The following ZFPM2 variants were observed in gnomAD, a reference collection of about 807,000 sequenced individuals.
ZFPM2 encodes zinc finger protein ZFPM2.
A neutral mutation model predicts 98.6 loss-of-function variants in ZFPM2; 20 were observed. The ratio of observed to expected loss-of-function variants is 0.20; its 90% CI spans 0.14 to 0.29. The LOEUF is 0.29. Among genes scored for constraint, ZFPM2 ranks in the 10% least tolerant of loss-of-function variants. ZFPM2 has a pLI of 1.00. For synonymous variants in ZFPM2, 518 were observed against 502.7 expected, an observed-to-expected ratio of 1.03 and a Z score of -0.41; for missense variants, 1,310 against 1,388.6, an observed-to-expected ratio of 0.94 and a Z score of 0.90.
At chr8:105,768,529 G>C (rs937159880) in intron 5 of ZFPM2, among the ~76,000 whole-genome samples, 3 of 151,938 alleles carry the variant, frequency 2.0e-5, no homozygotes, top group Non-Finnish European at 4.4e-5. Context: ...CTTTCTTGAA[G>C]TTTACAGTTA....
intron 3 of ZFPM2, among the ~76,000 whole-genome samples, chr8:105,533,286 T>C (rs1260192355): frequency 6.6e-6 from 1 of 151,958 alleles, no homozygotes; most frequent in African/African-American, 2.4e-5. Flanking sequence ...GAAGAGAAAA[T>C]GTTTATAGAT....
At chr8:105,543,442 A>G (rs1278609747) in intron 3 of ZFPM2, among the ~76,000 whole-genome samples, 4 of 152,170 alleles carry the variant, frequency 2.6e-5, no homozygotes, top group Admixed American at 2.6e-4. Context: ...GCCCATCATA[A>G]CATAGAATCA....
intron 3 of ZFPM2, among the ~76,000 whole-genome samples, chr8:105,480,599 C>CT (rs1813095501): frequency 6.6e-6 from 1 of 152,058 alleles, no homozygotes; most frequent in Non-Finnish European, 1.5e-5. Context: ...CAAGGGTGGA[C>CT]TACTGAACTA....
intron 5 of ZFPM2, among the ~76,000 whole-genome samples, chr8:105,768,185 T>C (rs1042901737): frequency 1.6e-4 from 25 of 151,832 alleles, no homozygotes; most frequent in Admixed American, 1.2e-3. Context: ...TGTGCATTTG[T>C]CCTTCATTAC....
chr8:105,744,255 A>G (rs1812291777), intron 5 of ZFPM2, among the ~76,000 whole-genome samples: 1 of 152,094 alleles, frequency 6.6e-6, no homozygotes, highest in South Asian at 2.1e-4. Flanking sequence ...CTTAAACAGT[A>G]AAACCATGGT....
intron 4 of ZFPM2, among the ~76,000 whole-genome samples, chr8:105,591,661 GTCATAT>G (rs1396990564): frequency 6.6e-6 from 1 of 152,076 alleles, no homozygotes; most frequent in African/African-American, 2.4e-5. Flanking sequence ...CAAAAATATA[GTCATAT>G]TCATATTGCT....
At chr8:105,371,137 C>G (rs1449812005) in intron 1 of ZFPM2, among the ~76,000 whole-genome samples, 1 of 152,122 alleles carries the variant, frequency 6.6e-6, no homozygotes, top group Admixed American at 6.5e-5. Flanking sequence ...CTATTTAATA[C>G]TTTTGTTTTA....
At chr8:105,733,697 G>C (rs1324366333) in intron 5 of ZFPM2, among the ~76,000 whole-genome samples, 1 of 151,822 alleles carries the variant, frequency 6.6e-6, no homozygotes, top group Non-Finnish European at 1.5e-5. Context: ...CTAAGAGTTA[G>C]TAGTCACTTG....
intron 5 of ZFPM2, among the ~76,000 whole-genome samples, chr8:105,773,520 C>A (rs1311429919): frequency 6.6e-6 from 1 of 151,518 alleles, no homozygotes; most frequent in African/African-American, 2.4e-5. Flanking sequence ...AAAATAAATC[C>A]TTTCAGCTAA....
intron 4 of ZFPM2, among the ~76,000 whole-genome samples, chr8:105,566,255 C>A (rs1045357956): frequency 3.9e-5 from 6 of 152,118 alleles, no homozygotes; most frequent in Admixed American, 3.3e-4. Flanking sequence ...TGAGGTATGA[C>A]CTTATACCCC....
rs532696994 is a variant in ZFPM2 at position 105,573,825 on chromosome 8, G to A, written c.420+12344G>A. 1.6e-4 allele frequency among the ~76,000 whole-genome samples: 24 copies of A among 152,212 alleles called. No homozygotes were observed. The East Asian group carries it at 2.9e-3, about 18-fold the overall frequency. On this transcript the variant is annotated intron_variant, in intron 4 of 7. Coordinates refer to ENST00000407775, the MANE Select transcript of ZFPM2 (RefSeq NM_012082.4). ...GGAGAGAAAGTATGGGAAAGAGCCC[G>A]TGATGGGGTCAGAACAGCCTGATTC...
intron 3 of ZFPM2, among the ~76,000 whole-genome samples, chr8:105,532,452 A>G (rs148024566): frequency 8.5e-4 from 130 of 152,282 alleles, no homozygotes; most frequent in African/African-American, 3.0e-3. Flanking sequence ...GAATAATTCA[A>G]TTGCTATTAA....
At chr8:105,776,640 C>A (rs1041384309) in intron 5 of ZFPM2, among the ~76,000 whole-genome samples, 1 of 152,110 alleles carries the variant, frequency 6.6e-6, no homozygotes, top group Non-Finnish European at 1.5e-5. Context: ...AACCAAGTAA[C>A]TTTTGTGAGC....
intron 4 of ZFPM2, among the ~76,000 whole-genome samples, chr8:105,571,338 A>G (rs1563724789): frequency 6.6e-6 from 1 of 152,250 alleles, no homozygotes; most frequent in Non-Finnish European, 1.5e-5. Context: ...AGGGAAATCT[A>G]TCACCATCTT....
chr8:105,394,145 G>T (rs190030613), intron 1 of ZFPM2, among the ~76,000 whole-genome samples: 1 of 151,980 alleles, frequency 6.6e-6, no homozygotes, highest in East Asian at 1.9e-4. Context: ...CGCCCGCCTC[G>T]GCCTCCCAAA....
At position 105,336,605 on chromosome 8, in the gene ZFPM2, A is replaced by G. The variant is rs563579961; in HGVS notation, c.40+17624A>G. ...TAAAGTAATTTTAAAAGGAATAAAT[A>G]CTTTATTCCCAATGAGGAAAATATT... On this transcript the variant is annotated intron_variant, in intron 1 of 7. Transcript: ENST00000407775. Among the ~76,000 whole-genome samples, 6 of 151,576 alleles carry G rather than the reference A, an allele frequency of 4.0e-5. No homozygotes were observed. The South Asian group carries it at 1.2e-3, about 32-fold the overall frequency.
chr8:105,759,199 C>T (rs1187197024), intron 5 of ZFPM2, among the ~76,000 whole-genome samples: 6 of 152,042 alleles, frequency 3.9e-5, no homozygotes, highest in Admixed American at 3.9e-4. Flanking sequence ...CAAGTTCAGG[C>T]TTTGAATGAT....
intron 3 of ZFPM2, among the ~76,000 whole-genome samples, chr8:105,515,549 G>T (rs1299211997): frequency 3.3e-5 from 5 of 152,136 alleles, no homozygotes; most frequent in Non-Finnish European, 7.4e-5. Flanking sequence ...AAGATCTTTA[G>T]TGTCTACCCT....
chr8:105,481,966 T>G (rs115837646), intron 3 of ZFPM2, among the ~76,000 whole-genome samples: 231 of 152,264 alleles, frequency 1.5e-3, no homozygotes, highest in African/African-American at 5.4e-3. Context: ...TGGGCCTGAG[T>G]GAATGGGCAG....
Sources: gnomAD v4.1 joint callset for allele counts (sites outside exome capture counted in the v4.1 genomes callset) on GRCh38, gnomAD v4.1.1 for gene constraint, MANE v1.5 for transcripts, NCBI Gene and HGNC (gene_info 2026-07-23, HGNC 2026-07-21) for gene names.